Variants in SLIT3 observed in about 807,000 individuals in gnomAD.
SLIT3 encodes slit homolog 3 protein.
In SLIT3, 68 loss-of-function variants were observed where a neutral mutation model predicts 184.0. The observed-to-expected ratio is 0.37, with a 90% CI of 0.30 to 0.45. The LOEUF is 0.45. Ranked by LOEUF, SLIT3 falls within the 20% of genes least tolerant of loss-of-function variation. The pLI is 1.00. For synonymous variants in SLIT3, 831 were observed against 828.6 expected, an observed-to-expected ratio of 1.00 and a Z score of -0.05; for missense variants, 1,707 against 2,026.0, an observed-to-expected ratio of 0.84 and a Z score of 3.02.
At chr5:168,703,163 C>G (rs1762266631) in intron 26 of SLIT3, among the ~76,000 whole-genome samples, 1 of 151,928 alleles carries the variant, frequency 6.6e-6, no homozygotes, top group Non-Finnish European at 1.5e-5. Context: ...TCATTTTGCT[C>G]AAATCTACCA....
At chr5:168,920,132 G>A (rs1761589761) in intron 4 of SLIT3, among the ~76,000 whole-genome samples, 1 of 152,012 alleles carries the variant, frequency 6.6e-6, no homozygotes, top group Non-Finnish European at 1.5e-5. Flanking sequence ...CTTCTTTTTG[G>A]GATATAAAGG....
At chr5:169,029,896 C>A (rs185306580) in intron 4 of SLIT3, among the ~76,000 whole-genome samples, 1 of 152,160 alleles carries the variant, frequency 6.6e-6, no homozygotes, top group East Asian at 1.9e-4. Flanking sequence ...TCCAGTTAAT[C>A]CTCATCTTCT....
Position 168,664,987 on chromosome 5 carries a change from G to A in SLIT3, c.*1467C>T, listed in dbSNP as rs781032355. 1.3e-5 allele frequency: 2 copies of A among 152,180 alleles called. No individual in the cohort carries two copies. Among genetic ancestry groups the A allele is most frequent in the African/African-American group, 2.4e-5 (1 of 41,444 alleles). 9.4% of individuals were successfully genotyped at this position (152,180 alleles called of 1,614,324 possible). ...GAGTGAGCAAGGCAGAACAAGAGCA[G>A]GAAAAAACATCATATTATTTCCTTT... On this transcript the variant is annotated 3_prime_UTR_variant, in exon 36 of 36. Coordinates refer to ENST00000519560, the MANE Select transcript of SLIT3 (RefSeq NM_003062.4).
chr5:168,692,172 G>A (rs1222145551), intron 29 of SLIT3, among the ~76,000 whole-genome samples: 2 of 152,188 alleles, frequency 1.3e-5, no homozygotes, highest in South Asian at 2.1e-4. Flanking sequence ...TAGACTGGAG[G>A]GGCAGCGTAC....
At chr5:169,151,267 TGCCGCC>T (rs1286382187) in intron 4 of SLIT3, among the ~76,000 whole-genome samples, 2 of 152,178 alleles carry the variant, frequency 1.3e-5, no homozygotes, top group African/African-American at 4.8e-5. Flanking sequence ...TGCAGCCCAT[TGCCGCC>T]TGGGAGTGTA....
At chr5:168,682,331 G>A (rs1307991343) in intron 32 of SLIT3, among the ~76,000 whole-genome samples, 2 of 152,144 alleles carry the variant, frequency 1.3e-5, no homozygotes, top group Non-Finnish European at 2.9e-5. Context: ...TTTCTTCAAG[G>A]CCCAACTCAG....
At chr5:168,935,046 G>A (rs1268051341) in intron 4 of SLIT3, among the ~76,000 whole-genome samples, 5 of 148,912 alleles carry the variant, frequency 3.4e-5, no homozygotes, top group African/African-American at 7.4e-5. Context: ...GCTGAGGCAG[G>A]AGAATTGTTT....
intron 17 of SLIT3, 130 bp from the exon 18 acceptor site, chr5:168,753,228 G>C: frequency 4.3e-6 from 4 of 936,280 alleles, no homozygotes; most frequent in Non-Finnish European, 4.9e-6. Context: ...CAGCCATGTT[G>C]ATCAGGTTTG....
Position 169,063,545 on chromosome 5 carries a change from C to T in SLIT3, c.413+129934G>A, listed in dbSNP as rs144531696. On this transcript the variant is annotated intron_variant, in intron 4 of 35. Transcript: ENST00000519560. The stretch of plus-strand genomic sequence containing the variant: ...GGCACACCCCTCTGGTCTTTACACC[C>T]TGCTGGGGATTACTTGCTCCACAAT... Among the ~76,000 whole-genome samples, 401 of 152,340 alleles carry T rather than the reference C, an allele frequency of 2.6e-3. 2 individuals carry two copies. The highest frequency in any genetic ancestry group is 9.4e-3 in the African/African-American group (390 of 41,582).
chr5:168,781,130 C>T (rs976001910), intron 12 of SLIT3, among the ~76,000 whole-genome samples: 3 of 152,134 alleles, frequency 2.0e-5, no homozygotes, highest in South Asian at 2.1e-4. Flanking sequence ...CACCATTGGG[C>T]GGCCTGTCTG....
At chr5:168,810,008 G>A (rs1046332554) in intron 8 of SLIT3, among the ~76,000 whole-genome samples, 10 of 152,142 alleles carry the variant, frequency 6.6e-5, no homozygotes, top group Admixed American at 5.9e-4. Context: ...GTCACCTGGG[G>A]CCCCTCTGAG....
chr5:168,919,076 C>T (rs1043868192), intron 4 of SLIT3, among the ~76,000 whole-genome samples: 10 of 151,884 alleles, frequency 6.6e-5, no homozygotes, highest in Admixed American at 2.6e-4. Context: ...CTGGCTGACA[C>T]GGTGAAACCC....
At chr5:168,859,902 T>C (rs1482822596) in intron 5 of SLIT3, among the ~76,000 whole-genome samples, 2 of 152,164 alleles carry the variant, frequency 1.3e-5, no homozygotes, top group Non-Finnish European at 2.9e-5. Flanking sequence ...TTCTGAGCCC[T>C]GATTACCAAC....
At chr5:169,256,838 C>G (rs1765976944) in intron 1 of SLIT3, among the ~76,000 whole-genome samples, 1 of 152,126 alleles carries the variant, frequency 6.6e-6, no homozygotes, top group Non-Finnish European at 1.5e-5. Context: ...TGTTCCTTCT[C>G]TCAAGCTCAA....
At chr5:168,991,367 G>T (rs539613115) in intron 4 of SLIT3, among the ~76,000 whole-genome samples, 29 of 152,222 alleles carry the variant, frequency 1.9e-4, no homozygotes, top group Non-Finnish European at 2.9e-4. Context: ...CAAGGCCTCA[G>T]CTCTCACCAG....
At chr5:168,717,715 C>T (rs926412162) in intron 23 of SLIT3, among the ~76,000 whole-genome samples, 5 of 151,792 alleles carry the variant, frequency 3.3e-5, no homozygotes, top group African/African-American at 1.2e-4. Flanking sequence ...GGCTGGAGTG[C>T]AGTGGCGTGA....
chr5:168,683,187 G>A (rs772453235), intron 32 of SLIT3, among the ~76,000 whole-genome samples: 11 of 151,904 alleles, frequency 7.2e-5, no homozygotes, highest in Non-Finnish European at 1.5e-4. Flanking sequence ...CCAACATGGT[G>A]AAATCCCATC....
At chr5:168,798,841 A>G (rs950614524) in intron 9 of SLIT3, among the ~76,000 whole-genome samples, 7 of 152,076 alleles carry the variant, frequency 4.6e-5, no homozygotes, top group Non-Finnish European at 1.0e-4. Flanking sequence ...GTCACATTCT[A>G]TGAGTCAGAT....
intron 1 of SLIT3, among the ~76,000 whole-genome samples, chr5:169,268,241 C>A (rs1044260994): frequency 2.6e-5 from 4 of 152,148 alleles, no homozygotes; most frequent in Non-Finnish European, 4.4e-5. Context: ...GAATGTGATG[C>A]AACTTGGTGC....
Sources: allele counts gnomAD v4.1 joint callset (sites outside exome capture counted in the v4.1 genomes callset), GRCh38; gene constraint gnomAD v4.1.1; transcripts MANE v1.5; gene names NCBI Gene and HGNC (gene_info 2026-07-23, HGNC 2026-07-21).